The following RABGAP1L variants were observed in gnomAD, a reference collection of about 807,000 sequenced individuals.
RABGAP1L encodes the protein rab GTPase-activating protein 1-like.
In RABGAP1L, 63 loss-of-function variants were observed where a neutral mutation model predicts 137.7. That is an observed-to-expected ratio of 0.46 (90% CI 0.37 to 0.56). The LOEUF is 0.56. RABGAP1L is among the 20% of genes least tolerant of loss of function. RABGAP1L has a pLI of 0.00. For missense variants in RABGAP1L, 1,095 were observed against 1,244.0 expected, an observed-to-expected ratio of 0.88 and a Z score of 1.80; for synonymous variants, 431 against 433.7, an observed-to-expected ratio of 0.99 and a Z score of 0.08.
intron 19 of RABGAP1L, among the ~76,000 whole-genome samples, chr1:174,864,909 G>A (rs965819083): frequency 6.6e-6 from 1 of 152,162 alleles, no homozygotes; most frequent in Admixed American, 6.5e-5. Flanking sequence ...CAGAGCTCAA[G>A]GGTTTGAGAC....
intron 13 of RABGAP1L, among the ~76,000 whole-genome samples, chr1:174,498,775 T>G (rs1461695461): frequency 6.6e-6 from 1 of 151,674 alleles, no homozygotes. Context: ...CCTCCCAAAG[T>G]GCTAGGATTA....
intron 13 of RABGAP1L, among the ~76,000 whole-genome samples, chr1:174,496,185 C>T (rs376502070): frequency 6.6e-6 from 1 of 152,058 alleles, no homozygotes; most frequent in African/African-American, 2.4e-5. Flanking sequence ...CCACTATACT[C>T]TATGGTGTAG....
At chr1:174,651,663 C>T (rs1051556819) in intron 14 of RABGAP1L, among the ~76,000 whole-genome samples, 5 of 152,108 alleles carry the variant, frequency 3.3e-5, no homozygotes, top group Non-Finnish European at 5.9e-5. Flanking sequence ...GCAACCCCTG[C>T]CTTTTTTTGT....
intron 19 of RABGAP1L, among the ~76,000 whole-genome samples, chr1:174,821,267 A>G (rs759976368): frequency 2.0e-5 from 3 of 152,266 alleles, no homozygotes; most frequent in Non-Finnish European, 2.9e-5. Context: ...GAGGAAGGGC[A>G]CTCATGGTTA....
intron 21 of RABGAP1L, among the ~76,000 whole-genome samples, chr1:174,973,786 A>G (rs1167911552): frequency 6.6e-6 from 1 of 152,138 alleles, no homozygotes; most frequent in African/African-American, 2.4e-5. Flanking sequence ...CATGATGAAC[A>G]TTATGAAAGG....
At chr1:174,320,421 T>C (rs1679848931) in intron 11 of RABGAP1L, among the ~76,000 whole-genome samples, 1 of 152,206 alleles carries the variant, frequency 6.6e-6, no homozygotes, top group Admixed American at 6.5e-5. Context: ...CAGTTGGTTC[T>C]TTTTTATTGC....
At chr1:174,941,962 T>C (rs567114383) in intron 19 of RABGAP1L, among the ~76,000 whole-genome samples, 1 of 152,360 alleles carries the variant, frequency 6.6e-6, no homozygotes, top group African/African-American at 2.4e-5. Context: ...GCATGTGGCA[T>C]AGTGTCTTGT....
intron 1 of RABGAP1L, among the ~76,000 whole-genome samples, chr1:174,200,586 A>G (rs907404270): frequency 8.5e-5 from 13 of 152,208 alleles, no homozygotes; most frequent in African/African-American, 2.9e-4. Flanking sequence ...GGCACAAGTT[A>G]TATTTTGAAG....
intron 3 of RABGAP1L, 26 bp from the exon 4 acceptor site, chr1:174,231,119 G>C (rs762067448): frequency 1.9e-6 from 3 of 1,539,256 alleles, no homozygotes; most frequent in Non-Finnish European, 2.7e-6. Flanking sequence ...AATGACTTTT[G>C]AGTGTTTCTT....
At chr1:174,621,964 G>A (rs1254915796) in intron 13 of RABGAP1L, among the ~76,000 whole-genome samples, 1 of 151,996 alleles carries the variant, frequency 6.6e-6, no homozygotes, top group African/African-American at 2.4e-5. Context: ...TCTGACAAAG[G>A]GCTAATATCC....
At chr1:174,549,641 A>G (rs928121423) in intron 13 of RABGAP1L, among the ~76,000 whole-genome samples, 2 of 152,168 alleles carry the variant, frequency 1.3e-5, no homozygotes, top group African/African-American at 4.8e-5. Context: ...AAACTATTGA[A>G]AAGCCAAGCC....
At chr1:174,622,688 A>T (rs1014962682) in intron 13 of RABGAP1L, among the ~76,000 whole-genome samples, 5 of 151,988 alleles carry the variant, frequency 3.3e-5, no homozygotes, top group Admixed American at 1.3e-4. Flanking sequence ...GGAACATCAC[A>T]CTCCGGGGTC....
At chr1:174,600,662 C>G (rs1017076406) in intron 13 of RABGAP1L, among the ~76,000 whole-genome samples, 6 of 152,210 alleles carry the variant, frequency 3.9e-5, no homozygotes, top group Admixed American at 3.9e-4. Flanking sequence ...CGTCTCTTAT[C>G]CAGGTCACAC....
At chr1:174,856,969 G>C (rs1168643560) in intron 19 of RABGAP1L, among the ~76,000 whole-genome samples, 1 of 151,724 alleles carries the variant, frequency 6.6e-6, no homozygotes, top group Non-Finnish European at 1.5e-5. Flanking sequence ...AAAGCCCCAG[G>C]ATAAACACAT....
intron 13 of RABGAP1L, among the ~76,000 whole-genome samples, chr1:174,479,577 GA>G (rs1658868106): frequency 6.6e-6 from 1 of 152,198 alleles, no homozygotes; most frequent in African/African-American, 2.4e-5. Context: ...GCCAAGCAAG[GA>G]TACAGTGAAA....
intron 12 of RABGAP1L, among the ~76,000 whole-genome samples, chr1:174,387,220 A>G (rs113988968): frequency 1.6e-3 from 237 of 152,340 alleles, no homozygotes; most frequent in Non-Finnish European, 2.3e-3. Context: ...CTGTAAAACA[A>G]GTCACTTCAT....
intron 11 of RABGAP1L, among the ~76,000 whole-genome samples, chr1:174,363,748 A>G (rs1310041033): frequency 2.0e-5 from 3 of 151,826 alleles, no homozygotes; most frequent in Non-Finnish European, 4.4e-5. Context: ...GAGGGTTTTT[A>G]TTATGAAGGA....
At chr1:174,222,078 C>T (rs1669798245) in intron 3 of RABGAP1L, among the ~76,000 whole-genome samples, 1 of 151,802 alleles carries the variant, frequency 6.6e-6, no homozygotes. Flanking sequence ...GATCTGCCCA[C>T]CTCAGCCTCC....
At chr1:174,726,369 G>A (rs1681982765) in intron 17 of RABGAP1L, among the ~76,000 whole-genome samples, 1 of 151,956 alleles carries the variant, frequency 6.6e-6, no homozygotes, top group Admixed American at 6.6e-5. Context: ...AGCCTCCCAA[G>A]TGACTCACTG....
Sources: gnomAD v4.1 joint callset for allele counts (sites outside exome capture counted in the v4.1 genomes callset) on GRCh38, gnomAD v4.1.1 for gene constraint, MANE v1.5 for transcripts, NCBI Gene and HGNC (gene_info 2026-07-23, HGNC 2026-07-21) for gene names.